Variants in POLK observed in about 807,000 individuals in gnomAD.
POLK encodes the protein DNA polymerase kappa, also known as polymerase (DNA directed) kappa.
In POLK, 76 loss-of-function variants were observed where a neutral mutation model predicts 94.0. The ratio of observed to expected loss-of-function variants is 0.81; its 90% CI spans 0.67 to 0.98. POLK has a LOEUF of 0.98. POLK is among the 50% of genes least tolerant of loss of function. The pLI is 0.00. For missense variants in POLK, 954 were observed against 1,010.1 expected, an observed-to-expected ratio of 0.94 and a Z score of 0.75; for synonymous variants, 349 against 325.4, an observed-to-expected ratio of 1.07 and a Z score of -0.78.
chr5:75,571,187 T>A (rs5744633), intron 4 of POLK, among the ~76,000 whole-genome samples: 62 of 152,306 alleles, frequency 4.1e-4, no homozygotes, highest in African/African-American at 1.4e-3. Flanking sequence ...AGATTACCCC[T>A]TTTGTATGTT....
rs370089352 is a variant in POLK at position 75,521,120 on chromosome 5, G to A, written c.-14+9206G>A. On this transcript the variant is annotated intron_variant, in intron 1 of 14. Coordinates refer to ENST00000241436, the Ensembl canonical transcript of POLK. ...AGTTTTATTTAGGTCAAATCTGTTC[G>A]TGTTCTCTGGCCTGAATATTGATAT... 6.6e-5 allele frequency among the ~76,000 whole-genome samples: 10 copies of A among 151,996 alleles called. No homozygotes were observed. The East Asian group carries it at 9.6e-4, about 15-fold the overall frequency.
intron 3 of POLK, among the ~76,000 whole-genome samples, chr5:75,558,281 A>G (rs1321677094): frequency 6.6e-6 from 1 of 150,682 alleles, no homozygotes; most frequent in African/African-American, 2.4e-5. Flanking sequence ...ATTATTCCTC[A>G]TAACCATGCC....
chr5:75,533,200 G>A (rs1483053910), intron 1 of POLK, among the ~76,000 whole-genome samples: 1 of 152,092 alleles, frequency 6.6e-6, no homozygotes, highest in East Asian at 1.9e-4. Flanking sequence ...TTATCTTCCA[G>A]GGTTTTTATG....
the POLK span, among the ~76,000 whole-genome samples, chr5:75,608,065 CTT>C: frequency 6.6e-6 from 1 of 152,150 alleles, no homozygotes; most frequent in Non-Finnish European, 1.5e-5. Flanking sequence ...AGGGGAAAAA[CTT>C]AAAGCTTTCA....
Position 75,584,927 on chromosome 5 carries a change from G to A in POLK, c.1226+1G>A, listed in dbSNP as rs767626155. 6.4e-7 allele frequency: 1 copy of A among 1,557,514 alleles called. No homozygotes were observed. Among genetic ancestry groups the A allele is most frequent in the Admixed American group, 1.9e-5 (1 of 52,750 alleles). On this transcript the variant is annotated splice_donor_variant, in intron 9 of 14. Coordinates refer to ENST00000241436, the Ensembl canonical transcript of POLK. LOFTEE classifies it high-confidence loss of function. ...GTCTAGGTTCAACACACCTGACGAG[G>A]TATCTATATGTATTGTCATTCTGCT...
chr5:75,605,546 AG>A (rs1273323612), downstream of POLK, among the ~76,000 whole-genome samples: 2 of 152,202 alleles, frequency 1.3e-5, no homozygotes, highest in Admixed American at 1.3e-4. Context: ...ACCATCCGCA[AG>A]TCTGAGATAC....
intron 1 of POLK, among the ~76,000 whole-genome samples, chr5:75,515,069 G>T (rs903242309): frequency 2.0e-5 from 3 of 152,192 alleles, no homozygotes; most frequent in Middle Eastern, 3.4e-3. Context: ...TTTCTTGCTA[G>T]TGTACACTAG....
At chr5:75,557,079 G>T (rs1770666123) in intron 3 of POLK, among the ~76,000 whole-genome samples, 1 of 151,914 alleles carries the variant, frequency 6.6e-6, no homozygotes, top group South Asian at 2.1e-4. Flanking sequence ...AGAAAAAAAA[G>T]AAAGAAACTC....
intron 1 of POLK, among the ~76,000 whole-genome samples, chr5:75,526,571 T>TTG: frequency 6.7e-6 from 1 of 148,892 alleles, no homozygotes; most frequent in African/African-American, 2.5e-5. Context: ...GGGTTTTTTT[T>TTG]TTGTTTTTTT....
intron 1 of POLK, among the ~76,000 whole-genome samples, chr5:75,536,325 C>G (rs1028708621): frequency 1.3e-5 from 2 of 152,140 alleles, no homozygotes; most frequent in African/African-American, 4.8e-5. Flanking sequence ...TGCATTCTTG[C>G]AACATCAGCC....
At chr5:75,552,720 T>G (rs550162306) in intron 3 of POLK, 129 bp downstream of exon 3, 75 of 954,388 alleles carry the variant, frequency 7.9e-5, no homozygotes, top group Non-Finnish European at 1.1e-4. Flanking sequence ...GCATACATAT[T>G]CAGCAAATGA....
rs528674177 is a variant in POLK at position 75,530,839 on chromosome 5, G to A, written c.-13-16171G>A. Among the ~76,000 whole-genome samples the A allele has an allele frequency of 1.1e-4, 15 of 137,096 alleles. No individual in the cohort carries two copies. The East Asian group carries it at 2.3e-3, about 21-fold the overall frequency. 89.9% of individuals were successfully genotyped at this position (137,096 alleles called of 152,430 possible). On this transcript the variant is annotated intron_variant, in intron 1 of 14. Transcript: ENST00000241436. ...TTTTTTTTTTTTGAGTTGGAGTCTC[G>A]CTCTGTTGCCCATGCTGGAGTGCCG...
intron 1 of POLK, among the ~76,000 whole-genome samples, chr5:75,539,156 T>C (rs1306854918): frequency 1.3e-5 from 2 of 152,212 alleles, no homozygotes; most frequent in East Asian, 1.9e-4. Flanking sequence ...CTTTTTAACA[T>C]TGTGCTCTTA....
chr5:75,606,894 A>ATTC, the POLK span, among the ~76,000 whole-genome samples: 2 of 152,106 alleles, frequency 1.3e-5, no homozygotes, highest in South Asian at 4.1e-4. Flanking sequence ...TGTAATCTGA[A>ATTC]TTCACACAAA....
chr5:75,537,433 A>T (rs1464763695), intron 1 of POLK, among the ~76,000 whole-genome samples: 2 of 152,196 alleles, frequency 1.3e-5, no homozygotes, highest in African/African-American at 2.4e-5. Flanking sequence ...GCTGGTGCCC[A>T]CCTTCATTCC....
exon 5 of POLK, chr5:75,573,865 A>G (rs753966979): frequency 6.2e-7 from 1 of 1,613,218 alleles, no homozygotes; most frequent in Non-Finnish European, 8.5e-7. Flanking sequence ...GCTGTGAGTA[A>G]AGAGGTAAGT....
chr5:75,605,814 GAAGA>G (rs1773409127), downstream of POLK, among the ~76,000 whole-genome samples: 1 of 152,192 alleles, frequency 6.6e-6, no homozygotes, highest in African/African-American at 2.4e-5. Flanking sequence ...AATCTTCCAT[GAAGA>G]AAGAGGGAGC....
chr5:75,571,052 G>A (rs910922312), intron 4 of POLK, among the ~76,000 whole-genome samples: 1 of 152,066 alleles, frequency 6.6e-6, no homozygotes, highest in African/African-American at 2.4e-5. Context: ...CAAACTTGCT[G>A]TAGCCATGTT....
chr5:75,599,412 G>T (rs950781592), exon 15 of POLK: 1 of 151,676 alleles, frequency 6.6e-6, no homozygotes, highest in African/African-American at 2.4e-5. Flanking sequence ...AATATTTTAG[G>T]AATAGCTTAA....
Sources: gnomAD v4.1 joint callset for allele counts (sites outside exome capture counted in the v4.1 genomes callset) on GRCh38, gnomAD v4.1.1 for gene constraint, MANE v1.5 for transcripts, NCBI Gene and HGNC (gene_info 2026-07-23, HGNC 2026-07-21) for gene names.